Variants in ELAPOR1 observed in about 807,000 individuals in gnomAD.
ELAPOR1 encodes endosome/lysosome-associated apoptosis and autophagy regulator 1.
In ELAPOR1, 77 loss-of-function variants were observed where a neutral mutation model predicts 119.7. The ratio of observed to expected loss-of-function variants is 0.64; its 90% confidence interval spans 0.54 to 0.78. ELAPOR1 has a LOEUF of 0.78. ELAPOR1 is among the 30% of genes least tolerant of loss of function. The probability of loss-of-function intolerance (pLI) is 0.00; values close to 1 mark genes in which losing one functional copy is unlikely to be tolerated. For synonymous variants in ELAPOR1, 481 were observed against 487.2 expected (o/e 0.99, Z 0.17); for missense variants, 1,115 against 1,270.4 (o/e 0.88, Z 1.86).
At chr1:109,181,440 C>G (rs765051158) in intron 7 of ELAPOR1, among the ~76,000 whole-genome samples, 1 of 152,216 alleles carries the variant, frequency 6.6e-6, no homozygotes, top group Non-Finnish European at 1.5e-5. Context: ...TTGATGAAAC[C>G]CAAGCTGGGA....
intron 1 of ELAPOR1, among the ~76,000 whole-genome samples, chr1:109,159,674 G>C (rs1016071249): frequency 6.6e-6 from 1 of 152,072 alleles, no homozygotes; most frequent in African/African-American, 2.4e-5. Flanking sequence ...GTGACTTATC[G>C]GCTGCATGAC....
At chr1:109,158,108 A>G (rs34936125) in intron 1 of ELAPOR1, among the ~76,000 whole-genome samples, 7 of 152,090 alleles carry the variant, frequency 4.6e-5, no homozygotes, top group Non-Finnish European at 8.8e-5. Flanking sequence ...GGCTGGTCTC[A>G]AACTCCAGAC....
chr1:109,151,837 C>G (rs71655990), intron 1 of ELAPOR1, among the ~76,000 whole-genome samples: 23,475 of 150,824 alleles, frequency 0.16, 1,905 homozygotes, highest in Middle Eastern at 0.24. Context: ...CTATACCCAG[C>G]TCCAGGGCAT....
rs1649750717 is a variant in ELAPOR1 at position 109,140,316 on chromosome 1, G to A, written c.154-21578G>A. Among the ~76,000 whole-genome samples the A allele has an allele frequency of 2.6e-5, 4 of 152,180 alleles. No individual in the cohort carries two copies. In the South Asian group the frequency reaches 8.3e-4, roughly 32 times the overall value. On this transcript the variant is annotated intron_variant, in intron 1 of 21. Transcript: ENST00000369939. ...TTTAGTTGAATTACTTTGAGGTAAA[G>A]TGGGCAGCATCACAAACCATTATGG... is the stretch of plus-strand genomic sequence containing the variant.
chr1:109,131,881 G>A (rs992746015), intron 1 of ELAPOR1, among the ~76,000 whole-genome samples: 8 of 152,130 alleles, frequency 5.3e-5, no homozygotes, highest in Non-Finnish European at 1.2e-4. Flanking sequence ...AGGACTTGTA[G>A]GTGGGAATGT....
chr1:109,117,009 T>C (rs1648056662), intron 1 of ELAPOR1, among the ~76,000 whole-genome samples: 1 of 152,138 alleles, frequency 6.6e-6, no homozygotes, highest in African/African-American at 2.4e-5. Flanking sequence ...CTGTTCTTAA[T>C]CTTCATACGA....
At chr1:109,185,729 T>TC (rs1191160337) in intron 8 of ELAPOR1, among the ~76,000 whole-genome samples, 3 of 152,026 alleles carry the variant, frequency 2.0e-5, no homozygotes, top group Non-Finnish European at 4.4e-5. Context: ...GAGCTCACAG[T>TC]CCTGTATGAG....
intron 15 of ELAPOR1, among the ~76,000 whole-genome samples, chr1:109,195,741 T>C (rs1653752142): frequency 6.6e-6 from 1 of 152,264 alleles, no homozygotes; most frequent in South Asian, 2.1e-4. Flanking sequence ...ATCAGCCATT[T>C]CATGCTGCTG....
intron 8 of ELAPOR1, chr1:109,186,722 CT>C: frequency 1.0e-6 from 1 of 985,556 alleles, no homozygotes. Context: ...AATCCTGCTG[CT>C]CTTCTCCCTC....
At chr1:109,197,945 T>C (rs747033330) in intron 16 of ELAPOR1, 34 bp from the exon 17 acceptor site, 3 of 1,552,320 alleles carry the variant, frequency 1.9e-6, no homozygotes, top group African/African-American at 1.4e-5. Flanking sequence ...CTAATGCTAC[T>C]AGTGAGAACT....
At chr1:109,127,474 G>A (rs1176577614) in intron 1 of ELAPOR1, among the ~76,000 whole-genome samples, 4 of 151,778 alleles carry the variant, frequency 2.6e-5, no homozygotes, top group South Asian at 2.1e-4. Context: ...TTGGCCTCCC[G>A]AAGTGCTGGG....
chr1:109,193,342 A>G (rs1017631467), intron 14 of ELAPOR1, among the ~76,000 whole-genome samples: 2 of 152,086 alleles, frequency 1.3e-5, no homozygotes, highest in Non-Finnish European at 2.9e-5. Flanking sequence ...CTTTACAAGT[A>G]TAAGGATTCC....
intron 3 of ELAPOR1, among the ~76,000 whole-genome samples, chr1:109,171,635 C>T (rs1035822524): frequency 6.6e-6 from 1 of 152,198 alleles, no homozygotes; most frequent in Non-Finnish European, 1.5e-5. Flanking sequence ...GGCATGCCTG[C>T]TTGTTTTCCT....
rs575602072 is a variant in ELAPOR1 at position 109,161,995 on chromosome 1, C to G, written c.255C>G (p.Pro85=). 1.2e-6 allele frequency: 2 copies of G among 1,613,262 alleles called. No homozygotes were observed. Among genetic ancestry groups the G allele is most frequent in the Non-Finnish European group, 1.7e-6 (2 of 1,179,326 alleles). The part of the protein sequence containing the change: ...TPGLCTSLPD[P]IKGTECSFSC... ...GCCTGTGCACCAGCCTGCCTGACCC[C>G]ATCAAGGGCACCGAGTGCTGTAAGC... The change falls in exon 2 of 22, where the codon CCC becomes CCG. Residue 85 remains proline, a synonymous_variant. Coordinates refer to ENST00000369939, the MANE Select transcript of ELAPOR1 (RefSeq NM_020775.5).
chr1:109,164,537 G>A lies in ELAPOR1; in HGVS notation c.313G>A (p.Asp105Asn). ...CNAGEFLDMKDQSCKPCAEGR... is the reference protein window; with the variant it reads ...CNAGEFLDMKNQSCKPCAEGR... ...CGCCGGGGAGTTTCTGGATATGAAGGACCAGTCATGTAAGCCATGCGCTGA... is the reference window on the plus strand; with the variant it reads ...CGCCGGGGAGTTTCTGGATATGAAGAACCAGTCATGTAAGCCATGCGCTGA... Residue 105 changes from aspartate to asparagine, a missense_variant, in exon 3 of 22, where the codon GAC becomes AAC. Physicochemically the swap from Asp to Asn is conservative, Grantham distance 23. Coordinates refer to ENST00000369939, the MANE Select transcript of ELAPOR1 (RefSeq NM_020775.5). The A allele has an allele frequency of 6.2e-7, 1 of 1,613,876 alleles. No individual in the cohort carries two copies. Among genetic ancestry groups the A allele is most frequent in the Admixed American group, 1.7e-5 (1 of 60,010 alleles).
At position 109,115,571 on chromosome 1, in the gene ELAPOR1, G is replaced by A. The variant is rs1019368898; in HGVS notation, c.153+1235G>A. Among the ~76,000 whole-genome samples the A allele has an allele frequency of 6.6e-5, 10 of 152,192 alleles. No homozygotes were observed. The East Asian group carries it at 1.3e-3, about 21-fold the overall frequency. On this transcript the variant is annotated intron_variant, in intron 1 of 21. Transcript: ENST00000369939. ...TGGGATTATAAGAATGAGCCACTGCGCCCAGCCCAGAATATTTTTTATAAA... is the reference window on the plus strand; with the variant it reads ...TGGGATTATAAGAATGAGCCACTGCACCCAGCCCAGAATATTTTTTATAAA...
Position 109,197,674 on chromosome 1 carries a change from CA to C in ELAPOR1, c.2302+21del. The C allele has an allele frequency of 6.4e-7, 1 of 1,555,170 alleles. No individual in the cohort carries two copies. Among genetic ancestry groups the C allele is most frequent in the Non-Finnish European group, 8.7e-7 (1 of 1,145,228 alleles). ...TTATTGGTGAGTAACTCCGCTGCCT[CA>C]GCCTTGTTTGAGAGTGTGTGTGTGT... On this transcript the variant is annotated intron_variant, in intron 16 of 21. Transcript: ENST00000369939.
At chr1:109,145,098 C>T (rs1456327316) in intron 1 of ELAPOR1, among the ~76,000 whole-genome samples, 5 of 151,886 alleles carry the variant, frequency 3.3e-5, no homozygotes, top group Admixed American at 3.3e-4. Flanking sequence ...GGTGATTAGG[C>T]CGAGTGGATC....
rs1311545735 is a variant in ELAPOR1 at position 109,205,941 on chromosome 1, A to G, written c.*2929A>G. On this transcript the variant is annotated 3_prime_UTR_variant, in exon 22 of 22. Transcript: ENST00000369939. The stretch of plus-strand genomic sequence containing the variant: ...CACATATTACACAATTCACCTTTAA[A>G]ACATACGATTCAATGGTTTTCAGCA... 6.6e-6 allele frequency: 1 copy of G among 152,202 alleles called. No individual in the cohort carries two copies. The highest frequency in any genetic ancestry group is 1.5e-5 in the Non-Finnish European group (1 of 68,038). 9.4% of individuals were successfully genotyped at this position (152,202 alleles called of 1,614,324 possible).
Sources: allele counts gnomAD v4.1 joint callset (sites outside exome capture counted in the v4.1 genomes callset), GRCh38; gene constraint gnomAD v4.1.1; transcripts MANE v1.5; gene names NCBI Gene and HGNC (gene_info 2026-07-23, HGNC 2026-07-21).